The following NFIA variants were observed in gnomAD, a reference collection of about 807,000 sequenced individuals.
NFIA encodes the protein nuclear factor I A, also known as nuclear factor 1 A-type.
Under a neutral mutation model 62.8 loss-of-function variants are expected in NFIA, and 8 were observed. The ratio of observed to expected loss-of-function variants is 0.13; its 90% CI spans 0.07 to 0.23. The LOEUF (loss-of-function observed/expected upper bound fraction) is 0.23, where lower values mean the gene tolerates loss of function less well. Ranked by LOEUF, NFIA falls within the 10% of genes least tolerant of loss-of-function variation. The pLI, the probability that NFIA is intolerant of heterozygous loss-of-function variation, is 1.00. For synonymous variants in NFIA, 235 were observed against 238.1 expected, an observed-to-expected ratio of 0.99 and a Z score of 0.12; for missense variants, 410 against 642.1, an observed-to-expected ratio of 0.64 and a Z score of 3.91.
Position 61,459,211 on chromosome 1 carries a change from A to G in NFIA, c.*3891A>G, listed in dbSNP as rs929941603. On this transcript the variant is annotated 3_prime_UTR_variant, in exon 11 of 11. Coordinates refer to ENST00000403491, the MANE Select transcript of NFIA (RefSeq NM_001134673.4). ...GACACATTTGAATTTTTTCTTTCCC[A>G]TCAAATGGCATTAACAAGATTGGGC... The G allele has an allele frequency of 6.6e-6, 1 of 152,214 alleles. No homozygotes were observed. Among genetic ancestry groups the G allele is most frequent in the Non-Finnish European group, 1.5e-5 (1 of 68,070 alleles). The allele number at this position is 152,214 out of a possible 1,614,324, so 9.4% of individuals were successfully genotyped here. A position where few individuals can be genotyped will look rare whatever the true frequency, so the allele number is the denominator to read the frequency against.
intron 2 of NFIA, among the ~76,000 whole-genome samples, chr1:61,156,092 C>T (rs1648801979): frequency 6.6e-6 from 1 of 151,692 alleles, no homozygotes; most frequent in Admixed American, 6.6e-5. Flanking sequence ...TGAGATCATG[C>T]CATTGCGCTC....
intron 3 of NFIA, among the ~76,000 whole-genome samples, chr1:61,309,970 G>T (rs1266644987): frequency 6.6e-6 from 1 of 152,188 alleles, no homozygotes; most frequent in Non-Finnish European, 1.5e-5. Flanking sequence ...AATAAAAGCA[G>T]TTGCTTCTCT....
intron 3 of NFIA, among the ~76,000 whole-genome samples, chr1:61,326,509 C>G (rs1026021585): frequency 6.7e-6 from 1 of 148,968 alleles, no homozygotes; most frequent in African/African-American, 2.4e-5. Context: ...GTTTGAGTTT[C>G]ATTCACTCTG....
chr1:61,439,543 G>A (rs532240214), intron 10 of NFIA: 1 of 152,106 alleles, frequency 6.6e-6, no homozygotes, highest in Admixed American at 6.5e-5. Context: ...TCCCTATCTC[G>A]CTGCTTTGGG....
At chr1:61,082,372 C>G (rs1646114006), upstream of NFIA, 1 of 586,816 alleles carries the variant, frequency 1.7e-6, no homozygotes, top group Admixed American at 6.5e-5. Context: ...CCCACACCCC[C>G]TCCCCCCCGC....
intron 3 of NFIA, among the ~76,000 whole-genome samples, chr1:61,319,767 A>G (rs1210635812): frequency 1.3e-5 from 2 of 149,418 alleles, no homozygotes; most frequent in Admixed American, 6.7e-5. Context: ...AAATCCACCA[A>G]TGATTTCTTC....
At chr1:61,092,619 A>G (rs948415538) in intron 2 of NFIA, among the ~76,000 whole-genome samples, 3 of 152,282 alleles carry the variant, frequency 2.0e-5, no homozygotes, top group Admixed American at 1.3e-4. Flanking sequence ...TGCTGACATG[A>G]ATGCTCATTT....
At chr1:61,144,656 A>G (rs569198339) in intron 2 of NFIA, among the ~76,000 whole-genome samples, 1 of 152,210 alleles carries the variant, frequency 6.6e-6, no homozygotes, top group Non-Finnish European at 1.5e-5. Context: ...GTTGACAGTA[A>G]TAGGACCATA....
intron 7 of NFIA, among the ~76,000 whole-genome samples, chr1:61,402,137 A>G (rs1665596315): frequency 2.8e-5 from 4 of 140,414 alleles, no homozygotes; most frequent in Admixed American, 1.6e-4. Context: ...TCCCAGGTTC[A>G]TGCCATTCTC....
chr1:61,374,116 T>C (rs1664037855), intron 6 of NFIA, among the ~76,000 whole-genome samples: 1 of 152,196 alleles, frequency 6.6e-6, no homozygotes, highest in African/African-American at 2.4e-5. Flanking sequence ...GCAGGGCAGA[T>C]ATAAGCCAAA....
chr1:61,311,002 A>G (rs1389484375), intron 3 of NFIA, among the ~76,000 whole-genome samples: 3 of 152,172 alleles, frequency 2.0e-5, no homozygotes, highest in Admixed American at 6.5e-5. Flanking sequence ...GTCCTGGAAC[A>G]TAGTAGGCCC....
intron 2 of NFIA, among the ~76,000 whole-genome samples, chr1:61,202,210 A>G (rs953355452): frequency 1.3e-5 from 2 of 152,214 alleles, no homozygotes; most frequent in Non-Finnish European, 2.9e-5. Context: ...AATTATGGTC[A>G]TAAACTTGAT....
chr1:61,437,588 C>T (rs1667386251), intron 10 of NFIA, among the ~76,000 whole-genome samples: 1 of 152,176 alleles, frequency 6.6e-6, no homozygotes, highest in Non-Finnish European at 1.5e-5. Flanking sequence ...ATTATTCAAT[C>T]CCTGCCGTAC....
chr1:61,088,800 G>T lies in NFIA; in HGVS notation c.559+120G>T, dbSNP rs1646265663. On this transcript the variant is annotated intron_variant, in intron 2 of 10. Transcript: ENST00000403491. This position sits in a 1 kb window ranked among gnomAD's most constrained non-coding sequence, Gnocchi z 4.5. Reference sequence around the variant, plus strand: ...GTTGCAGGCCACGTACATGAAGCCAGTGTGGTTTCAAAGATTGAGAGAGGT... The same window carrying T: ...GTTGCAGGCCACGTACATGAAGCCATTGTGGTTTCAAAGATTGAGAGAGGT... 5 of 1,190,100 alleles carry T rather than the reference G, an allele frequency of 4.2e-6. No individual in the cohort carries two copies. The highest frequency in any genetic ancestry group is 2.3e-6 in the Non-Finnish European group (2 of 857,736). The allele number at this position is 1,190,100 out of a possible 1,614,324, so 73.7% of individuals were successfully genotyped here.
intron 10 of NFIA, among the ~76,000 whole-genome samples, chr1:61,453,000 C>G (rs1204532709): frequency 6.6e-6 from 1 of 152,054 alleles, no homozygotes; most frequent in South Asian, 2.1e-4. Context: ...AATATCCACC[C>G]CCCAAAAGAA....
At chr1:61,353,701 T>A (rs1341453376) in intron 5 of NFIA, among the ~76,000 whole-genome samples, 4 of 152,168 alleles carry the variant, frequency 2.6e-5, no homozygotes, top group Non-Finnish European at 5.9e-5. Context: ...ATCAACTTAG[T>A]CATCCCTAAT....
intron 2 of NFIA, among the ~76,000 whole-genome samples, chr1:61,187,045 C>G (rs1426760085): frequency 6.6e-6 from 1 of 152,186 alleles, no homozygotes; most frequent in Non-Finnish European, 1.5e-5. Context: ...CAGTTTCACC[C>G]TGTTAGCCCT....
intron 2 of NFIA, among the ~76,000 whole-genome samples, chr1:61,230,706 C>T (rs986311644): frequency 2.6e-5 from 4 of 152,292 alleles, no homozygotes; most frequent in Admixed American, 2.6e-4. Context: ...AAAGTCCACT[C>T]TCCTCACCCG....
chr1:61,304,455 A>G (rs889781131), intron 3 of NFIA, among the ~76,000 whole-genome samples: 2 of 152,208 alleles, frequency 1.3e-5, no homozygotes, highest in East Asian at 1.9e-4. Flanking sequence ...TCCTTTTCAA[A>G]GAGCTGCTTG....
Sources: gnomAD v4.1 joint callset for allele counts (sites outside exome capture counted in the v4.1 genomes callset) on GRCh38, gnomAD v4.1.1 for gene constraint, Gnocchi (gnomAD v3.1) non-coding constraint, MANE v1.5 for transcripts, NCBI Gene and HGNC (gene_info 2026-07-23, HGNC 2026-07-21) for gene names.